The following MAPK10 variants were observed in gnomAD, a reference collection of about 807,000 sequenced individuals.
MAPK10 encodes the protein JNK3 alpha protein kinase.
MAPK10 carries 25 observed loss-of-function variants against 59.3 expected under a neutral mutation model. The ratio of observed to expected loss-of-function variants is 0.42; its 90% CI spans 0.31 to 0.59. MAPK10 has a LOEUF of 0.59. MAPK10 is among the 20% of genes least tolerant of loss of function. The pLI is 0.15. For synonymous variants in MAPK10, 190 were observed against 200.5 expected (o/e 0.95, Z 0.44); for missense variants, 351 against 568.9 (o/e 0.62, Z 3.90).
At chr4:86,561,093 A>C (rs60692836) in intron 1 of MAPK10, among the ~76,000 whole-genome samples, 4,374 of 152,268 alleles carry the variant, frequency 0.029, 221 homozygotes, top group African/African-American at 0.099. Flanking sequence ...CAGGCATTGG[A>C]TTCTCCTAAG....
At chr4:86,208,337 T>C (rs1244853735) in intron 2 of MAPK10, among the ~76,000 whole-genome samples, 1 of 149,362 alleles carries the variant, frequency 6.7e-6, no homozygotes, top group Non-Finnish European at 1.5e-5. Context: ...GCAAAAATAC[T>C]CAATAAAATA....
At chr4:86,032,654 C>G (rs150455708) in intron 11 of MAPK10, 109 of 152,220 alleles carry the variant, frequency 7.2e-4, no homozygotes, top group African/African-American at 2.6e-3. Flanking sequence ...CACCCTCGGG[C>G]TAAAGTGACC....
chr4:86,292,210 T>A (rs1303520863), intron 2 of MAPK10, among the ~76,000 whole-genome samples: 4 of 152,184 alleles, frequency 2.6e-5, no homozygotes, highest in Admixed American at 6.6e-5. Flanking sequence ...AAGAGGAACA[T>A]CTAGAAATGT....
rs545820984 is a variant in MAPK10 at position 86,070,055 on chromosome 4, T to C, written c.803-2100A>G. On this transcript the variant is annotated intron_variant, in intron 9 of 13. Coordinates refer to ENST00000641462, the MANE Select transcript of MAPK10 (RefSeq NM_138982.4). ...CTCAGCGCTCTTTCCTACCTTAGGT[T>C]GCTTTTAAATGAAACACTGTTGTGA... Among the ~76,000 whole-genome samples the C allele has an allele frequency of 5.3e-5, 8 of 152,308 alleles. No individual in the cohort carries two copies. The South Asian group carries it at 1.7e-3, about 32-fold the overall frequency.
At chr4:86,511,539 C>G (rs1232023631) in intron 1 of MAPK10, among the ~76,000 whole-genome samples, 3 of 151,768 alleles carry the variant, frequency 2.0e-5, no homozygotes, top group Non-Finnish European at 4.4e-5. Context: ...TGCTCTCCAG[C>G]CTGGGCGATA....
intron 11 of MAPK10, among the ~76,000 whole-genome samples, chr4:86,063,673 A>T (rs573157117): frequency 5.9e-5 from 9 of 152,270 alleles, no homozygotes; most frequent in African/African-American, 1.9e-4. Flanking sequence ...TAAAATAGAA[A>T]GAGTTATGCT....
intron 1 of MAPK10, among the ~76,000 whole-genome samples, chr4:86,431,832 G>A (rs1277159981): frequency 1.3e-5 from 2 of 152,124 alleles, no homozygotes; most frequent in Admixed American, 6.5e-5. Context: ...CATGGGACCC[G>A]TGTTTAAAAA....
At chr4:86,135,410 CG>C (rs1381453514) in intron 4 of MAPK10, among the ~76,000 whole-genome samples, 4 of 152,158 alleles carry the variant, frequency 2.6e-5, no homozygotes, top group Non-Finnish European at 4.4e-5. Flanking sequence ...TGGGAGGCAC[CG>C]CCCCAGCAGG....
chr4:86,052,153 C>T (rs2043674523), intron 11 of MAPK10, among the ~76,000 whole-genome samples: 1 of 152,064 alleles, frequency 6.6e-6, no homozygotes. Context: ...TCAGTTACTT[C>T]TGCCTCCACC....
At chr4:86,041,879 T>C (rs944054678) in intron 11 of MAPK10, among the ~76,000 whole-genome samples, 9 of 152,214 alleles carry the variant, frequency 5.9e-5, no homozygotes, top group Non-Finnish European at 1.2e-4. Context: ...GAGTGTAAAT[T>C]AGTTCAGCAA....
At chr4:86,562,903 A>G (rs774338417) in intron 1 of MAPK10, among the ~76,000 whole-genome samples, 41 of 152,132 alleles carry the variant, frequency 2.7e-4, no homozygotes, top group Non-Finnish European at 4.6e-4. Context: ...TTCTTCCATA[A>G]CCAGAATTCC....
chr4:86,110,711 T>C (rs1415121675), intron 4 of MAPK10, among the ~76,000 whole-genome samples: 2 of 152,150 alleles, frequency 1.3e-5, no homozygotes, highest in African/African-American at 4.8e-5. Flanking sequence ...GTCTTGGCTA[T>C]TGGGCTCTTT....
At chr4:86,560,264 A>G (rs1288264607) in intron 1 of MAPK10, among the ~76,000 whole-genome samples, 1 of 152,220 alleles carries the variant, frequency 6.6e-6, no homozygotes, top group African/African-American at 2.4e-5. Context: ...AGTCAGAGTG[A>G]GACTCGTTAG....
At chr4:86,372,315 G>A (rs1179479324) in intron 1 of MAPK10, among the ~76,000 whole-genome samples, 3 of 152,076 alleles carry the variant, frequency 2.0e-5, no homozygotes, top group East Asian at 1.9e-4. Flanking sequence ...TCAGGAGATC[G>A]AGACCATCTT....
At chr4:86,107,065 G>T (rs1372402722) in intron 5 of MAPK10, 158 bp downstream of exon 5, 9 of 543,056 alleles carry the variant, frequency 1.7e-5, no homozygotes, top group Non-Finnish European at 2.3e-5. Flanking sequence ...CTACCATGAG[G>T]ACAATGAAAT....
intron 1 of MAPK10, among the ~76,000 whole-genome samples, chr4:86,569,846 C>CAGTACAATG (rs1293213910): frequency 6.6e-6 from 1 of 151,976 alleles, no homozygotes. Context: ...ACCACCTGTT[C>CAGTACAATG]AGTACAATGC....
At chr4:86,112,257 T>C (rs2057614688) in intron 4 of MAPK10, among the ~76,000 whole-genome samples, 1 of 152,080 alleles carries the variant, frequency 6.6e-6, no homozygotes, top group East Asian at 1.9e-4. Flanking sequence ...TTCTGCTAGC[T>C]TTGGGGTTTG....
At chr4:86,337,166 A>G (rs1211785827) in intron 2 of MAPK10, among the ~76,000 whole-genome samples, 1 of 152,196 alleles carries the variant, frequency 6.6e-6, no homozygotes, top group East Asian at 1.9e-4. Flanking sequence ...GATACTCAAT[A>G]AATATTTGTT....
At chr4:86,332,864 T>C (rs2096186505) in intron 2 of MAPK10, 1 of 152,180 alleles carries the variant, frequency 6.6e-6, no homozygotes. Context: ...AAGTCACAAA[T>C]CTGTTTGTTT....
Sources: gnomAD v4.1 joint callset for allele counts (sites outside exome capture counted in the v4.1 genomes callset) on GRCh38, gnomAD v4.1.1 for gene constraint, MANE v1.5 for transcripts, NCBI Gene and HGNC (gene_info 2026-07-23, HGNC 2026-07-21) for gene names.